Variants in XRRA1 observed in about 807,000 individuals in gnomAD.
The protein encoded by XRRA1 is X-ray radiation resistance-associated protein 1.
Under a neutral mutation model 80.2 loss-of-function variants are expected in XRRA1, and 69 were observed. That is an observed-to-expected ratio of 0.86 (90% CI 0.71 to 1.05). The LOEUF is 1.05. XRRA1 is among the 50% of genes least tolerant of loss of function. The pLI is 0.00. For missense variants in XRRA1, 967 were observed against 976.4 expected (o/e 0.99, Z 0.13); for synonymous variants, 348 against 389.9 (o/e 0.89, Z 1.27).
intron 10 of XRRA1, among the ~76,000 whole-genome samples, chr11:74,870,985 C>A (rs1418769139): frequency 6.6e-6 from 1 of 152,182 alleles, no homozygotes; most frequent in Non-Finnish European, 1.5e-5. Flanking sequence ...TAACCAGAAC[C>A]ACTGCCTAAC....
At chr11:74,912,681 T>G (rs979180068) in intron 8 of XRRA1, among the ~76,000 whole-genome samples, 3 of 152,210 alleles carry the variant, frequency 2.0e-5, no homozygotes, top group Admixed American at 2.0e-4. Flanking sequence ...AAACCCTTGA[T>G]CTGGTGGGCA....
intron 10 of XRRA1, among the ~76,000 whole-genome samples, chr11:74,903,138 G>A (rs1412328816): frequency 6.6e-6 from 1 of 152,180 alleles, no homozygotes; most frequent in Non-Finnish European, 1.5e-5. Flanking sequence ...TTGTGTGAGT[G>A]TACACTGAAG....
At chr11:74,850,449 C>T (rs1377453637) in intron 14 of XRRA1, among the ~76,000 whole-genome samples, 3 of 152,136 alleles carry the variant, frequency 2.0e-5, no homozygotes, top group Admixed American at 1.3e-4. Flanking sequence ...TGGACAGAGG[C>T]GGGCTGCAGA....
chr11:74,884,515 C>G (rs1197688247), intron 10 of XRRA1, among the ~76,000 whole-genome samples: 2 of 152,150 alleles, frequency 1.3e-5, no homozygotes, highest in Non-Finnish European at 2.9e-5. Flanking sequence ...CTTTTGCACC[C>G]TATGTAAATC....
chr11:74,844,945 G>T, intron 16 of XRRA1, 128 bp downstream of exon 16: 1 of 887,286 alleles, frequency 1.1e-6, no homozygotes, highest in Non-Finnish European at 1.8e-6. Context: ...CCTTTGACAG[G>T]TATTTAGACA....
At chr11:74,877,462 T>A (rs938201237) in intron 10 of XRRA1, among the ~76,000 whole-genome samples, 6 of 152,116 alleles carry the variant, frequency 3.9e-5, no homozygotes, top group African/African-American at 1.2e-4. Context: ...TCTTTTTTTT[T>A]ATTTTTTATT....
chr11:74,848,224 A>T lies in XRRA1; in HGVS notation c.1619T>A (p.Val540Glu). 6.2e-7 allele frequency: 1 copy of T among 1,613,856 alleles called. No homozygotes were observed. The highest frequency in any genetic ancestry group is 8.5e-7 in the Non-Finnish European group (1 of 1,179,860). ...PLPPICSNST[V>E]HSEETLSHLS... ...GTGGGACAGGGTCTCTTCACTATGC[A>T]CAGTGGAGTTGGAGCAGATGGGAGG... The change falls in exon 15 of 19, where the codon GTG (valine) becomes GAG (glutamate). Residue 540 changes from valine (V) to glutamate (E), a missense_variant. Physicochemically the swap from Val to Glu is moderately radical, Grantham distance 121 (BLOSUM62 -2). Transcript: ENST00000684022.
intron 5 of XRRA1, among the ~76,000 whole-genome samples, chr11:74,930,785 T>C (rs1943345657): frequency 6.6e-6 from 1 of 152,186 alleles, no homozygotes; most frequent in African/African-American, 2.4e-5. Flanking sequence ...ATCATTCCCA[T>C]ACTCAATAGT....
At chr11:74,851,241 A>C in intron 13 of XRRA1, 38 bp from the exon 14 acceptor site, 1 of 1,499,790 alleles carries the variant, frequency 6.7e-7, no homozygotes, top group Non-Finnish European at 9.1e-7. Flanking sequence ...ACTATTAGCT[A>C]AAATTTATAC....
chr11:74,888,923 G>A (rs569511822), intron 10 of XRRA1, among the ~76,000 whole-genome samples: 7 of 152,318 alleles, frequency 4.6e-5, no homozygotes, highest in African/African-American at 9.6e-5. Context: ...CCAAATCTAC[G>A]TCTGATTGGT....
chr11:74,934,121 A>G (rs1944362341), intron 4 of XRRA1, among the ~76,000 whole-genome samples: 1 of 152,200 alleles, frequency 6.6e-6, no homozygotes, highest in Non-Finnish European at 1.5e-5. Flanking sequence ...AAGCCCTTTG[A>G]TTATAAAGTA....
chr11:74,884,146 A>T (rs1007070519), intron 10 of XRRA1, among the ~76,000 whole-genome samples: 1 of 152,196 alleles, frequency 6.6e-6, no homozygotes, highest in East Asian at 1.9e-4. Flanking sequence ...CCTGGGTGAC[A>T]AAGCATTACT....
chr11:74,860,501 T>C (rs1369593926), intron 11 of XRRA1, among the ~76,000 whole-genome samples: 1 of 152,270 alleles, frequency 6.6e-6, no homozygotes, highest in Non-Finnish European at 1.5e-5. Context: ...GAGAGGGCCC[T>C]GTCTTGGAGG....
At chr11:74,896,700 C>T (rs1470519550) in intron 10 of XRRA1, among the ~76,000 whole-genome samples, 1 of 152,154 alleles carries the variant, frequency 6.6e-6, no homozygotes, top group African/African-American at 2.4e-5. Flanking sequence ...TGCATCACCG[C>T]ACCCTCAGTT....
chr11:74,930,234 TA>T, intron 6 of XRRA1, 65 bp downstream of exon 6: 1 of 1,320,324 alleles, frequency 7.6e-7, no homozygotes, highest in Non-Finnish European at 1.1e-6. Flanking sequence ...AGACAAATCC[TA>T]ACACACGTGA....
intron 10 of XRRA1, among the ~76,000 whole-genome samples, chr11:74,893,615 C>T (rs531929526): frequency 2.0e-5 from 3 of 150,652 alleles, no homozygotes; most frequent in Non-Finnish European, 4.4e-5. Context: ...AGACATACAT[C>T]CTGCCAATAA....
At chr11:74,936,519 A>G (rs1309175432) in intron 4 of XRRA1, among the ~76,000 whole-genome samples, 1 of 152,206 alleles carries the variant, frequency 6.6e-6, no homozygotes, top group African/African-American at 2.4e-5. Context: ...TTTACCTCAT[A>G]TAATGTAAAA....
At chr11:74,874,882 A>C (rs2045705259) in intron 10 of XRRA1, among the ~76,000 whole-genome samples, 1 of 152,212 alleles carries the variant, frequency 6.6e-6, no homozygotes, top group African/African-American at 2.4e-5. Context: ...TTTGTGGAAC[A>C]AGGAGTCTGT....
intron 10 of XRRA1, among the ~76,000 whole-genome samples, chr11:74,895,978 CCT>C (rs1452594110): frequency 1.3e-5 from 2 of 152,166 alleles, no homozygotes; most frequent in East Asian, 3.9e-4. Context: ...AGATTCATCC[CCT>C]GTTGACTAAA....
Sources: gnomAD v4.1 joint callset for allele counts (sites outside exome capture counted in the v4.1 genomes callset) on GRCh38, gnomAD v4.1.1 for gene constraint, MANE v1.5 for transcripts, NCBI Gene and HGNC (gene_info 2026-07-23, HGNC 2026-07-21) for gene names.